NPTN: variants seen among roughly 807,000 people sequenced by gnomAD.
The protein encoded by NPTN is neuroplastin.
In NPTN, 5 loss-of-function variants were observed where a neutral mutation model predicts 42.7. The ratio of observed to expected loss-of-function variants is 0.12; its 90% CI spans 0.06 to 0.25. NPTN has a LOEUF of 0.25. NPTN is among the 10% of genes least tolerant of loss of function. NPTN has a pLI of 1.00. For synonymous variants in NPTN, 180 were observed against 201.9 expected, an observed-to-expected ratio of 0.89 and a Z score of 0.92; for missense variants, 307 against 525.4, an observed-to-expected ratio of 0.58 and a Z score of 4.06.
chr15:73,616,337 G>C (rs546704541), intron 1 of NPTN, among the ~76,000 whole-genome samples: 1 of 151,996 alleles, frequency 6.6e-6, no homozygotes, highest in Non-Finnish European at 1.5e-5. Flanking sequence ...AACACTTATG[G>C]GACTCCCTCT....
At chr15:73,630,293 G>A (rs1208723816) in intron 1 of NPTN, among the ~76,000 whole-genome samples, 1 of 152,188 alleles carries the variant, frequency 6.6e-6, no homozygotes, top group Non-Finnish European at 1.5e-5. Flanking sequence ...GTCTGTCACC[G>A]TCCAAAGCCT....
chr15:73,605,473 A>C (rs1897258126), intron 1 of NPTN, among the ~76,000 whole-genome samples: 1 of 152,202 alleles, frequency 6.6e-6, no homozygotes, highest in African/African-American at 2.4e-5. Flanking sequence ...TCATGCCTGT[A>C]ATCCCAGCAC....
intron 4 of NPTN, among the ~76,000 whole-genome samples, chr15:73,577,112 C>T (rs567339846): frequency 3.3e-5 from 5 of 152,284 alleles, no homozygotes; most frequent in Admixed American, 2.0e-4. Context: ...TCCTAGGACT[C>T]GTTATTTACC....
intron 1 of NPTN, among the ~76,000 whole-genome samples, chr15:73,613,351 T>C (rs999545296): frequency 2.6e-5 from 4 of 152,208 alleles, no homozygotes; most frequent in South Asian, 2.1e-4. Flanking sequence ...TCAATATTAA[T>C]TGGTAACTAT....
chr15:73,597,175 T>G lies in NPTN; in HGVS notation c.286A>C (p.Asn96His). The G allele has an allele frequency of 6.2e-7, 1 of 1,614,140 alleles. No individual in the cohort carries two copies. Among genetic ancestry groups the G allele is most frequent in the Non-Finnish European group, 8.5e-7 (1 of 1,180,024 alleles). The change falls in exon 2 of 9, where the codon AAC (asparagine) becomes CAC (histidine). Residue 96 changes from asparagine to histidine, a missense_variant. Asn to His is a moderately conservative substitution (Grantham distance 68). Coordinates refer to ENST00000345330, the MANE Select transcript of NPTN (RefSeq NM_012428.4). This position sits in a 1 kb window ranked among gnomAD's most constrained non-coding sequence, Gnocchi z 6.3. ...GTTATTCTCAGCACACTCACGCCGT[T>G]TGACCCGTAGGCGGTGTTTACGGTG... ...RVTVNTAYGS[N>H]GVSVLRITRL...
chr15:73,617,103 C>T (rs1897899326), intron 1 of NPTN, among the ~76,000 whole-genome samples: 1 of 152,098 alleles, frequency 6.6e-6, no homozygotes, highest in African/African-American at 2.4e-5. Context: ...ACTCCAATTA[C>T]TATATTCAAA....
intron 1 of NPTN, among the ~76,000 whole-genome samples, chr15:73,608,503 T>A (rs1330428185): frequency 2.0e-5 from 3 of 152,114 alleles, no homozygotes; most frequent in Non-Finnish European, 2.9e-5. Context: ...GGTGAAAAAA[T>A]TCAACATTTT....
chr15:73,623,381 C>T (rs753998624), intron 1 of NPTN, among the ~76,000 whole-genome samples: 1 of 152,170 alleles, frequency 6.6e-6, no homozygotes, highest in Non-Finnish European at 1.5e-5. Context: ...ACACTAATTT[C>T]TGATCTTTAA....
At chr15:73,580,584 CATGTTATATATGTAT>C (rs1895986247) in intron 4 of NPTN, among the ~76,000 whole-genome samples, 6 of 113,904 alleles carry the variant, frequency 5.3e-5, no homozygotes, top group African/African-American at 2.1e-4. Context: ...TATGTATATA[CATGTTATATATGTAT>C]ATATGTATAT....
chr15:73,609,174 G>A (rs1897436687), intron 1 of NPTN, among the ~76,000 whole-genome samples: 1 of 152,138 alleles, frequency 6.6e-6, no homozygotes, highest in Non-Finnish European at 1.5e-5. Context: ...CCCATATCTA[G>A]ACAACACTTT....
Position 73,589,396 on chromosome 15 carries a change from C to T in NPTN, c.612-1778G>A, listed in dbSNP as rs144594222. On this transcript the variant is annotated intron_variant, in intron 3 of 8. Transcript: ENST00000345330. ...AGAACAGCACTTCATTTCAATCACA[C>T]AGGGTGATCCCAAACAAGCTTTCTT... is the stretch of plus-strand genomic sequence containing the variant. Among the ~76,000 whole-genome samples, 105 of 152,170 alleles carry T rather than the reference C, an allele frequency of 6.9e-4. 1 individual carries two copies. In the East Asian group the frequency reaches 0.011, roughly 16 times the overall value.
At chr15:73,591,941 C>T (rs117241608) in intron 3 of NPTN, 25 bp downstream of exon 3, 37,046 of 1,592,912 alleles carry the variant, frequency 0.023, 472 homozygotes, top group Middle Eastern at 0.028. Context: ...CTCCCACCTT[C>T]CCAGGAGCTG....
chr15:73,612,392 C>G (rs1005142247), intron 1 of NPTN, among the ~76,000 whole-genome samples: 3 of 150,186 alleles, frequency 2.0e-5, no homozygotes, highest in Non-Finnish European at 3.0e-5. Context: ...GCACTCTAAC[C>G]TAGGCCCACA....
intron 3 of NPTN, among the ~76,000 whole-genome samples, chr15:73,589,815 G>C (rs1052964799): frequency 1.9e-4 from 2 of 10,794 alleles, no homozygotes; most frequent in African/African-American, 2.0e-4. Flanking sequence ...GTGAGAAGCA[G>C]TCAGTGTCTT....
At chr15:73,594,572 C>A (rs142596650) in intron 2 of NPTN, among the ~76,000 whole-genome samples, 3 of 152,262 alleles carry the variant, frequency 2.0e-5, no homozygotes, top group Non-Finnish European at 4.4e-5. Flanking sequence ...GTTCCTTGGC[C>A]ATGGTGCCTC....
chr15:73,563,294 A>G lies in NPTN; in HGVS notation c.1115-37T>C, dbSNP rs111875374. ...TCAGTTTTTTAAAAATCCATGAGAG[A>G]TAAGAGAAGAAAGGAGAAAACTGTT... On this transcript the variant is annotated intron_variant, in intron 6 of 8. Transcript: ENST00000345330. 53 of 1,612,000 alleles carry G rather than the reference A, an allele frequency of 3.3e-5. No individual in the cohort carries two copies. In the African/African-American group the frequency reaches 4.3e-4, roughly 13 times the overall value.
At chr15:73,588,867 G>C (rs1896447796) in intron 3 of NPTN, among the ~76,000 whole-genome samples, 1 of 152,192 alleles carries the variant, frequency 6.6e-6, no homozygotes, top group African/African-American at 2.4e-5. Flanking sequence ...GTTCTATGTG[G>C]ATAGGCACTG....
chr15:73,615,127 C>T (rs938329512), intron 1 of NPTN, among the ~76,000 whole-genome samples: 40 of 150,900 alleles, frequency 2.7e-4, no homozygotes, highest in African/African-American at 9.2e-4. Context: ...TGTGAAACTC[C>T]TAGCATCAAA....
At chr15:73,608,186 T>C (rs1220325221) in intron 1 of NPTN, among the ~76,000 whole-genome samples, 7 of 152,216 alleles carry the variant, frequency 4.6e-5, no homozygotes, top group East Asian at 1.9e-4. Context: ...TTACCATTTA[T>C]TGAGGTCCTG....
Sources: allele counts gnomAD v4.1 joint callset (sites outside exome capture counted in the v4.1 genomes callset), GRCh38; gene constraint gnomAD v4.1.1; non-coding constraint Gnocchi (gnomAD v3.1); transcripts MANE v1.5; gene names NCBI Gene and HGNC (gene_info 2026-07-23, HGNC 2026-07-21).